The following PAXBP1 variants were observed in gnomAD, a reference collection of about 807,000 sequenced individuals.
PAXBP1 encodes PAX3- and PAX7-binding protein 1.
Under a neutral mutation model 119.9 loss-of-function variants are expected in PAXBP1, and 44 were observed. The ratio of observed to expected loss-of-function variants is 0.37; its 90% CI spans 0.29 to 0.47. The LOEUF (loss-of-function observed/expected upper bound fraction) is 0.47, where lower values mean the gene tolerates loss of function less well. Among genes scored for constraint, PAXBP1 ranks in the 20% least tolerant of loss-of-function variants. PAXBP1 has a pLI of 0.99. For missense variants in PAXBP1, 898 were observed against 1,134.1 expected, an observed-to-expected ratio of 0.79 and a Z score of 2.99; for synonymous variants, 393 against 406.6, an observed-to-expected ratio of 0.97 and a Z score of 0.40.
At chr21:32,750,106 A>T (rs993399970) in intron 10 of PAXBP1, among the ~76,000 whole-genome samples, 1 of 152,236 alleles carries the variant, frequency 6.6e-6, no homozygotes, top group Non-Finnish European at 1.5e-5. Flanking sequence ...CAGAATAGGC[A>T]TCTAACAAAA....
chr21:32,751,273 A>C lies in PAXBP1; in HGVS notation c.1508-55T>G, dbSNP rs1226193786. 4 of 1,550,596 alleles carry C rather than the reference A, an allele frequency of 2.6e-6. No homozygotes were observed. The South Asian group carries it at 3.4e-5, about 13-fold the overall frequency. Reference sequence around the variant, plus strand: ...GCCATCTTTCAACAATCTTGAGGAAAGAGTTTGCACAGAATAAGCCATTAC... The same window carrying C: ...GCCATCTTTCAACAATCTTGAGGAACGAGTTTGCACAGAATAAGCCATTAC... On this transcript the variant is annotated intron_variant, in intron 8 of 17. Coordinates refer to ENST00000331923, the MANE Select transcript of PAXBP1 (RefSeq NM_016631.4).
In PAXBP1 at chr21:32,771,492, C is replaced by T; in HGVS notation, c.177G>A (p.Pro59=). The part of the protein sequence containing the change: ...RAPGGESLLG[P]GPSPPSALTP... ...TCAGCGCGGAAGGCGGCGACGGCCC[C>T]GGGCCCAGCAGCGACTCCCCGCCAG... Residue 59 remains proline, a synonymous_variant, in exon 1 of 18, where the codon CCG becomes CCA. Transcript: ENST00000331923. The T allele has an allele frequency of 7.5e-7, 1 of 1,329,200 alleles. No homozygotes were observed. Among genetic ancestry groups the T allele is most frequent in the Non-Finnish European group, 9.6e-7 (1 of 1,046,268 alleles). The allele number at this position is 1,329,200 out of a possible 1,614,324, so 82.3% of individuals were successfully genotyped here.
At chr21:32,764,611 T>A (rs547294862) in intron 2 of PAXBP1, 87 bp from the exon 3 acceptor site, 14 of 1,051,238 alleles carry the variant, frequency 1.3e-5, no homozygotes, top group East Asian at 8.3e-5. Flanking sequence ...TCATTAAAAA[T>A]TTTTTTAATT....
chr21:32,759,989 T>G lies in PAXBP1; in HGVS notation c.981A>C (p.Gln327His). The G allele has an allele frequency of 1.9e-6, 3 of 1,611,192 alleles. No homozygotes were observed. Among genetic ancestry groups the G allele is most frequent in the Non-Finnish European group, 2.5e-6 (3 of 1,178,236 alleles). Reference protein sequence around the residue: ...IRKGINIPQVQASQPAEVNMY... With the variant: ...IRKGINIPQVHASQPAEVNMY... ...TATTCACTTCTGCGGGTTGACTGGC[T>G]TGAACCTAGAAAAGAAATGGGATAT... Residue 327 changes from glutamine (Q) to histidine (H), a missense_variant, in exon 6 of 18, where the codon CAA becomes CAC. By Grantham distance (24) the Gln-to-His change is conservative. Transcript: ENST00000331923.
chr21:32,761,553 A>T lies in PAXBP1; in HGVS notation c.872-391T>A, dbSNP rs562001293. Among the ~76,000 whole-genome samples, 23 of 152,390 alleles carry T rather than the reference A, an allele frequency of 1.5e-4. 1 individual carries two copies. In the South Asian group the frequency reaches 4.6e-3, roughly 30 times the overall value. ...AGTTATCACAATGATATTAGTTTTT[A>T]AAAATTCCAATAAAACACTTGTACC... On this transcript the variant is annotated intron_variant, in intron 4 of 17. Transcript: ENST00000331923.
chr21:32,738,920 CAG>C lies in PAXBP1; in HGVS notation c.2335-603_2335-602del, dbSNP rs377239705. Among the ~76,000 whole-genome samples, 45 of 152,304 alleles carry C rather than the reference CAG, an allele frequency of 3.0e-4. 1 individual carries two copies. The East Asian group carries it at 8.7e-3, about 29-fold the overall frequency. On this transcript the variant is annotated intron_variant, in intron 15 of 17. Transcript: ENST00000331923. Reference sequence around the variant, plus strand: ...ACACTATTCAACCAGCTGCTTGCGGCAGAGGTCTGGAGGTCATTCCTGACCTC... The same window carrying C: ...ACACTATTCAACCAGCTGCTTGCGGCAGGTCTGGAGGTCATTCCTGACCTC...
At chr21:32,743,159 G>A in intron 15 of PAXBP1, 89 bp downstream of exon 15, 1 of 899,590 alleles carries the variant, frequency 1.1e-6, no homozygotes, top group Non-Finnish European at 1.8e-6. Flanking sequence ...CTAAGCCTAT[G>A]GAGTTAATAA....
intron 8 of PAXBP1, chr21:32,752,041 A>G (rs143818648): frequency 2.0e-3 from 309 of 152,370 alleles, no homozygotes; most frequent in African/African-American, 7.2e-3. Context: ...GTTTGAAAGT[A>G]ATCTGTTTAC....
Position 32,751,087 on chromosome 21 carries a change from A to T in PAXBP1, c.1607+32T>A, listed in dbSNP as rs73196255. On this transcript the variant is annotated intron_variant, in intron 9 of 17. Transcript: ENST00000331923. ...AGATAACAGAGACTCCTCCCTTCCC[A>T]AACAAGCCAGAGCAAGGGTTTTGAG... 8.7e-3 allele frequency: 13,976 copies of T among 1,612,920 alleles called. 92 individuals carry two copies. Among genetic ancestry groups the T allele is most frequent in the Non-Finnish European group, 0.011 (12,552 of 1,179,042 alleles).
intron 14 of PAXBP1, 35 bp from the exon 15 acceptor site, chr21:32,743,349 A>G (rs1160357128): frequency 2.9e-6 from 4 of 1,369,332 alleles, no homozygotes; most frequent in Admixed American, 5.0e-5. Flanking sequence ...TCATGATCAG[A>G]TATTTTATAT....
At chr21:32,738,944 CCTCT>C (rs1330682066) in intron 15 of PAXBP1, among the ~76,000 whole-genome samples, 1 of 152,138 alleles carries the variant, frequency 6.6e-6, no homozygotes, top group Non-Finnish European at 1.5e-5. Flanking sequence ...TCATTCCTGA[CCTCT>C]CTCTCAAGTT....
chr21:32,734,954 T>C lies in PAXBP1; in HGVS notation c.2750A>G (p.Lys917Arg), dbSNP rs2043672132. The C allele has an allele frequency of 5.0e-6, 8 of 1,610,788 alleles. No homozygotes were observed. The East Asian group carries it at 1.8e-4, about 36-fold the overall frequency. ...AGGTTTTTCAGTCTCATAGATCTAT[T>C]TTCCTTCGATCAAAGACTTAAATTC... ...VKEFKSLIEG[K>R] The change falls in exon 18 of 18, where the codon AAA (lysine) becomes AGA (arginine). Residue 917 changes from lysine to arginine, a missense_variant. By Grantham distance (26) the Lys-to-Arg change is conservative. This residue lies in a region of PAXBP1 where 599 missense variants were observed against 852.7 expected (regional missense o/e 0.70). Coordinates refer to ENST00000331923, the MANE Select transcript of PAXBP1 (RefSeq NM_016631.4).
At chr21:32,751,289 A>T in intron 8 of PAXBP1, 71 bp from the exon 9 acceptor site, 1 of 1,418,262 alleles carries the variant, frequency 7.1e-7, no homozygotes, top group Non-Finnish European at 9.9e-7. Context: ...TGCACAGAAT[A>T]AGCCATTACG....
intron 15 of PAXBP1, among the ~76,000 whole-genome samples, chr21:32,739,632 C>T (rs1049682624): frequency 6.1e-4 from 93 of 152,132 alleles, no homozygotes; most frequent in African/African-American, 9.2e-4. Context: ...TACGGCCGGG[C>T]GCGGTGGCTC....
intron 7 of PAXBP1, among the ~76,000 whole-genome samples, chr21:32,757,152 AG>A (rs986011454): frequency 6.6e-6 from 1 of 151,894 alleles, no homozygotes; most frequent in African/African-American, 2.4e-5. Flanking sequence ...ATAAGCAAAG[AG>A]GAAAAAAAAA....
intron 8 of PAXBP1, among the ~76,000 whole-genome samples, chr21:32,754,536 G>T (rs537439334): frequency 6.6e-6 from 1 of 152,296 alleles, no homozygotes; most frequent in East Asian, 1.9e-4. Context: ...GACCTCCGCT[G>T]AACTATTTAA....
chr21:32,736,336 G>A (rs1317249348), intron 17 of PAXBP1, among the ~76,000 whole-genome samples: 1 of 151,908 alleles, frequency 6.6e-6, no homozygotes, highest in African/African-American at 2.4e-5. Flanking sequence ...CTATAGGCAC[G>A]CACCACCACA....
In PAXBP1 at chr21:32,762,081, A is replaced by G. The variant is rs2044158417; in HGVS notation, c.871+15T>C. 7 of 1,613,764 alleles carry G rather than the reference A, an allele frequency of 4.3e-6. No individual in the cohort carries two copies. The highest frequency in any genetic ancestry group is 1.3e-5 in the African/African-American group (1 of 74,862). On this transcript the variant is annotated intron_variant, in intron 4 of 17. Transcript: ENST00000331923. ...GGCAATGCAATAGGCTTACTATTCA[A>G]TTAAATCAAGTTACCTATTTCCTCA...
intron 7 of PAXBP1, chr21:32,756,216 A>C: frequency 2.0e-6 from 1 of 502,162 alleles, no homozygotes; most frequent in Non-Finnish European, 4.0e-6. Context: ...ATCAAATGCT[A>C]TGAGACTTTC....
Sources: allele counts gnomAD v4.1 joint callset (sites outside exome capture counted in the v4.1 genomes callset), GRCh38; gene constraint gnomAD v4.1.1; regional missense constraint gnomAD v4.1.1; transcripts MANE v1.5; gene names NCBI Gene and HGNC (gene_info 2026-07-23, HGNC 2026-07-21).